FLACC1: variants seen among roughly 807,000 people sequenced by gnomAD.
FLACC1 encodes the protein flagellum associated containing coiled-coil domains 1.
A neutral mutation model predicts 62.8 loss-of-function variants in FLACC1; 66 were observed. That is an observed-to-expected ratio of 1.05 (90% CI 0.86 to 1.29). The LOEUF is 1.29. Among genes scored for constraint, FLACC1 ranks in the 50% most tolerant of loss-of-function variants. The probability of loss-of-function intolerance (pLI) is 0.00; values close to 1 mark genes in which losing one functional copy is unlikely to be tolerated. For synonymous variants in FLACC1, 156 were observed against 161.0 expected (o/e 0.97, Z 0.24); for missense variants, 452 against 489.1 (o/e 0.92, Z 0.71).
intron 12 of FLACC1, among the ~76,000 whole-genome samples, chr2:201,296,954 T>TA (rs1949878729): frequency 6.6e-6 from 1 of 151,884 alleles, no homozygotes; most frequent in African/African-American, 2.4e-5. Context: ...AGGTGAGAAA[T>TA]AATGGACTAG....
At chr2:201,302,219 T>C (rs1047893634) in intron 11 of FLACC1, among the ~76,000 whole-genome samples, 2 of 151,694 alleles carry the variant, frequency 1.3e-5, no homozygotes, top group African/African-American at 4.8e-5. Flanking sequence ...AGGCTCAAAA[T>C]AAAAGGATGG....
At chr2:201,341,294 G>A (rs990509832) in intron 7 of FLACC1, among the ~76,000 whole-genome samples, 2 of 151,566 alleles carry the variant, frequency 1.3e-5, no homozygotes, top group Non-Finnish European at 2.9e-5. Flanking sequence ...GCCTGAAAGG[G>A]GATGTAGGAT....
At chr2:201,307,855 T>C (rs1474631398) in intron 10 of FLACC1, among the ~76,000 whole-genome samples, 1 of 152,196 alleles carries the variant, frequency 6.6e-6, no homozygotes, top group African/African-American at 2.4e-5. Context: ...CATCTCTGGT[T>C]CTTTTGTGTG....
intron 12 of FLACC1, among the ~76,000 whole-genome samples, chr2:201,296,794 G>T (rs1456346227): frequency 1.3e-5 from 2 of 152,170 alleles, no homozygotes; most frequent in African/African-American, 4.8e-5. Context: ...AGAGGACAAG[G>T]TAACCTAAGA....
intron 12 of FLACC1, among the ~76,000 whole-genome samples, chr2:201,291,296 A>C (rs981813238): frequency 3.3e-5 from 5 of 151,838 alleles, no homozygotes; most frequent in Non-Finnish European, 7.4e-5. Context: ...AGACTGACAC[A>C]TCACACGGCT....
upstream of FLACC1, among the ~76,000 whole-genome samples, chr2:201,362,162 CA>C (rs1951190698): frequency 6.6e-6 from 1 of 152,110 alleles, no homozygotes; most frequent in South Asian, 2.1e-4. Context: ...TAAACCTCAT[CA>C]GAAGGTTTTT....
At chr2:201,307,358 C>A (rs1376992791) in intron 11 of FLACC1, among the ~76,000 whole-genome samples, 161 bp downstream of exon 11, 1 of 152,192 alleles carries the variant, frequency 6.6e-6, no homozygotes, top group Non-Finnish European at 1.5e-5. Flanking sequence ...TAAAGGACAG[C>A]AAGACTGTCA....
At chr2:201,318,709 T>C (rs1344422623) in intron 9 of FLACC1, among the ~76,000 whole-genome samples, 2 of 152,152 alleles carry the variant, frequency 1.3e-5, no homozygotes, top group Admixed American at 6.6e-5. Context: ...GAACTAAAAG[T>C]AGAACTACCA....
intron 5 of FLACC1, among the ~76,000 whole-genome samples, chr2:201,345,943 T>C (rs982804764): frequency 1.3e-5 from 2 of 152,158 alleles, no homozygotes; most frequent in Non-Finnish European, 2.9e-5. Flanking sequence ...GGCCAGAGGA[T>C]TACCTGAGGT....
intron 7 of FLACC1, among the ~76,000 whole-genome samples, chr2:201,340,096 C>T (rs1950776849): frequency 6.6e-6 from 1 of 152,172 alleles, no homozygotes; most frequent in Admixed American, 6.5e-5. Context: ...GGCTTAATCT[C>T]AGACCCTGGG....
Position 201,346,649 on chromosome 2 carries a change from A to T in FLACC1, c.261T>A (p.Tyr87Ter), listed in dbSNP as rs1198448234. The T allele has an allele frequency of 1.9e-6, 3 of 1,614,254 alleles. No homozygotes were observed. In the South Asian group the frequency reaches 3.3e-5, roughly 18 times the overall value. The change falls in exon 5 of 15, where the codon TAT (tyrosine) becomes TAA (stop). Residue 87 changes from tyrosine (Y) to a stop codon, truncating the protein, a stop_gained. Coordinates refer to ENST00000392257, the MANE Select transcript of FLACC1 (RefSeq NM_001127391.3). LOFTEE classifies it high-confidence loss of function. This position sits in a 1 kb window ranked among gnomAD's most constrained non-coding sequence, Gnocchi z 4.0. ...FYEVINVSPG[Y>*]QLVRNREQIS... Reference sequence around the variant, plus strand: ...TCTGTTCCCGATTCCGAACAAGTTGATAGCCAGGTGACACGTTGATCACTT... The same window carrying T: ...TCTGTTCCCGATTCCGAACAAGTTGTTAGCCAGGTGACACGTTGATCACTT...
At chr2:201,355,159 C>T (rs2125628813) in intron 1 of FLACC1, among the ~76,000 whole-genome samples, 1 of 152,072 alleles carries the variant, frequency 6.6e-6, no homozygotes, top group East Asian at 2.0e-4. Context: ...GTGGCACATG[C>T]CTGTAATCCC....
intron 12 of FLACC1, among the ~76,000 whole-genome samples, chr2:201,291,272 C>A (rs2125532140): frequency 6.6e-6 from 1 of 152,312 alleles, no homozygotes; most frequent in Non-Finnish European, 1.5e-5. Context: ...TGGGAGGCAC[C>A]CCCCAGTAGG....
intron 7 of FLACC1, among the ~76,000 whole-genome samples, chr2:201,331,165 T>C (rs2125594076): frequency 6.6e-6 from 1 of 152,002 alleles, no homozygotes; most frequent in South Asian, 2.1e-4. Context: ...GACGGGGTCT[T>C]GCTATGGTGT....
intron 11 of FLACC1, among the ~76,000 whole-genome samples, chr2:201,305,780 T>G (rs1455208270): frequency 6.6e-6 from 1 of 152,224 alleles, no homozygotes; most frequent in Non-Finnish European, 1.5e-5. Context: ...TCATGTCCTT[T>G]GTAGGGACAT....
Position 201,346,164 on chromosome 2 carries a change from C to CA in FLACC1, c.368+377dup, listed in dbSNP as rs1051455092. 1.5e-4 allele frequency among the ~76,000 whole-genome samples: 22 copies of CA among 147,392 alleles called. No individual in the cohort carries two copies. The highest frequency in any genetic ancestry group is 1.1e-3 in the South Asian group (5 of 4,654). ...TGGGTGGCAGAGAGAGACTCTGTCTCAAAAAAAAAAGTGCACTCCAGCCAC... is the reference window on the plus strand; with the variant it reads ...TGGGTGGCAGAGAGAGACTCTGTCTCAAAAAAAAAAAGTGCACTCCAGCCAC... On this transcript the variant is annotated intron_variant, in intron 5 of 14. Coordinates refer to ENST00000392257, the MANE Select transcript of FLACC1 (RefSeq NM_001127391.3). The surrounding 1 kb of genome is among the most constrained non-coding windows in gnomAD (Gnocchi z 4.0).
chr2:201,334,657 C>T (rs1009046351), intron 7 of FLACC1, among the ~76,000 whole-genome samples: 1 of 152,066 alleles, frequency 6.6e-6, no homozygotes, highest in South Asian at 2.1e-4. Context: ...GTGGTGCATG[C>T]CTGTAATCCC....
chr2:201,313,081 G>A (rs1950246626), intron 9 of FLACC1, among the ~76,000 whole-genome samples: 1 of 152,228 alleles, frequency 6.6e-6, no homozygotes, highest in South Asian at 2.1e-4. Context: ...GGTTCCCAGG[G>A]ATGCCATTTC....
upstream of FLACC1, among the ~76,000 whole-genome samples, chr2:201,357,583 A>G (rs1951140457): frequency 6.6e-6 from 1 of 152,242 alleles, no homozygotes; most frequent in Admixed American, 6.5e-5. Flanking sequence ...AGTTTAAGAT[A>G]TATCTTCAGA....
Sources: gnomAD v4.1 joint callset for allele counts (sites outside exome capture counted in the v4.1 genomes callset) on GRCh38, gnomAD v4.1.1 for gene constraint, Gnocchi (gnomAD v3.1) non-coding constraint, MANE v1.5 for transcripts, NCBI Gene and HGNC (gene_info 2026-07-23, HGNC 2026-07-21) for gene names.